The following ILRUN variants were observed in gnomAD, a reference collection of about 807,000 sequenced individuals.
ILRUN encodes the protein inflammation and lipid regulator with UBA-like and NBR1-like domains, also known as protein ILRUN.
A neutral mutation model predicts 33.8 loss-of-function variants in ILRUN; 3 were observed. That is an observed-to-expected ratio of 0.09 (90% CI 0.04 to 0.23). The LOEUF is 0.23. ILRUN is among the 10% of genes least tolerant of loss of function. ILRUN has a pLI of 1.00. For synonymous variants in ILRUN, 124 were observed against 138.9 expected (o/e 0.89, Z 0.75); for missense variants, 210 against 375.1 (o/e 0.56, Z 3.64).
At chr6:34,693,424 G>C (rs1211737552) in intron 1 of ILRUN, among the ~76,000 whole-genome samples, 1 of 151,702 alleles carries the variant, frequency 6.6e-6, no homozygotes, top group South Asian at 2.1e-4. Flanking sequence ...GCATGATCAC[G>C]GCTCACTGCA....
intron 1 of ILRUN, among the ~76,000 whole-genome samples, chr6:34,660,227 C>T (rs1463104130): frequency 6.6e-6 from 1 of 151,768 alleles, no homozygotes; most frequent in African/African-American, 2.4e-5. Flanking sequence ...CACTTGATCC[C>T]AGGAGGGTGA....
chr6:34,653,183 G>A (rs1762705063), intron 2 of ILRUN, among the ~76,000 whole-genome samples: 1 of 145,042 alleles, frequency 6.9e-6, no homozygotes, highest in Admixed American at 6.8e-5. Flanking sequence ...AAAAAATTTA[G>A]ACACATAGAC....
intron 1 of ILRUN, among the ~76,000 whole-genome samples, chr6:34,665,290 T>C (rs1467621100): frequency 1.3e-4 from 6 of 47,646 alleles, no homozygotes; most frequent in African/African-American, 6.4e-4. Context: ...ACCCCTTTTC[T>C]ACAAAAAAAA....
At chr6:34,651,181 C>G (rs2744955) in intron 2 of ILRUN, among the ~76,000 whole-genome samples, 25,146 of 152,108 alleles carry the variant, frequency 0.17, 2,275 homozygotes, top group African/African-American at 0.22. Context: ...TACTCTACAG[C>G]TGGGGGGACA....
chr6:34,665,073 C>T (rs1762964508), intron 1 of ILRUN, among the ~76,000 whole-genome samples: 1 of 151,846 alleles, frequency 6.6e-6, no homozygotes, highest in Non-Finnish European at 1.5e-5. Context: ...TGGACTCAGG[C>T]AATCGTCCTG....
chr6:34,637,506 A>C (rs767587766), intron 3 of ILRUN, among the ~76,000 whole-genome samples: 1 of 152,208 alleles, frequency 6.6e-6, no homozygotes, highest in Non-Finnish European at 1.5e-5. Context: ...TGAGTAAAAA[A>C]AGGTGCAGCT....
At chr6:34,656,390 G>A (rs1271663682) in intron 1 of ILRUN, among the ~76,000 whole-genome samples, 3 of 152,136 alleles carry the variant, frequency 2.0e-5, no homozygotes, top group East Asian at 1.9e-4. Flanking sequence ...GCAGAAGCGC[G>A]TGATTGTCAG....
At chr6:34,614,468 ATATATTTTT>A (rs1184826345) in intron 3 of ILRUN, among the ~76,000 whole-genome samples, 174 of 139,896 alleles carry the variant, frequency 1.2e-3, no homozygotes, top group African/African-American at 4.5e-3. Flanking sequence ...AATGTATATT[ATATATTTTT>A]TATATATTAT....
intron 1 of ILRUN, among the ~76,000 whole-genome samples, chr6:34,671,061 T>C (rs750274680): frequency 2.0e-5 from 3 of 152,152 alleles, no homozygotes; most frequent in African/African-American, 7.2e-5. Context: ...ACTCAAATAG[T>C]ATTTTTCCGA....
chr6:34,688,552 C>A (rs1197908334), intron 1 of ILRUN, among the ~76,000 whole-genome samples: 1 of 152,138 alleles, frequency 6.6e-6, no homozygotes, highest in Non-Finnish European at 1.5e-5. Context: ...GTGGCTCATG[C>A]CTGTAATCCC....
intron 2 of ILRUN, among the ~76,000 whole-genome samples, chr6:34,654,156 T>G: frequency 6.8e-6 from 1 of 146,568 alleles, no homozygotes. Context: ...ACAATCATCC[T>G]TGTGGTTGCA....
At chr6:34,620,083 C>T (rs1042579296) in intron 3 of ILRUN, among the ~76,000 whole-genome samples, 1 of 150,594 alleles carries the variant, frequency 6.6e-6, no homozygotes, top group Middle Eastern at 3.2e-3. Flanking sequence ...CTAGTGTTTG[C>T]TAAAAGAAAA....
chr6:34,649,471 T>C (rs1463371756), intron 2 of ILRUN, among the ~76,000 whole-genome samples: 1 of 152,122 alleles, frequency 6.6e-6, no homozygotes, highest in South Asian at 2.1e-4. Context: ...TAGTTAAGTA[T>C]CACAATCAAG....
At chr6:34,591,307 A>G (rs943001877) in intron 4 of ILRUN, among the ~76,000 whole-genome samples, 2 of 152,118 alleles carry the variant, frequency 1.3e-5, no homozygotes, top group African/African-American at 2.4e-5. Flanking sequence ...CCTGGACAAC[A>G]TAGTCAGAAC....
rs1289507613 is a variant in ILRUN, at chr6:34,614,435, A to ATATATAT, written c.512-7532_512-7531insATATATA. On this transcript the variant is annotated intron_variant, in intron 3 of 4. Coordinates refer to ENST00000374023, the MANE Select transcript of ILRUN (RefSeq NM_024294.4). ...AGACTCCATCTCAAAAAATAATAAAAAAAAAAAAATATATATATATAAAAT... is the reference window on the plus strand; with the variant it reads ...AGACTCCATCTCAAAAAATAATAAAATATATATAAAAAAAAATATATATATATAAAAT... 2.9e-3 allele frequency among the ~76,000 whole-genome samples: 358 copies of ATATATAT among 123,374 alleles called. 4 individuals are homozygous for ATATATAT. The highest frequency in any genetic ancestry group is 0.013 in the African/African-American group (343 of 26,094). The allele number at this position is 123,374 out of a possible 152,430, so 80.9% of individuals were successfully genotyped here.
intron 1 of ILRUN, among the ~76,000 whole-genome samples, chr6:34,693,641 A>G (rs1425223971): frequency 2.0e-5 from 3 of 150,116 alleles, no homozygotes; most frequent in Non-Finnish European, 1.5e-5. Flanking sequence ...TTTTTTATAT[A>G]AAAACTCAAA....
At chr6:34,600,666 G>C (rs1458045878) in intron 4 of ILRUN, among the ~76,000 whole-genome samples, 1 of 152,210 alleles carries the variant, frequency 6.6e-6, no homozygotes, top group Non-Finnish European at 1.5e-5. Context: ...AAGTGACTAT[G>C]AAGGTTTCTA....
At chr6:34,670,037 G>A (rs989203193) in intron 1 of ILRUN, among the ~76,000 whole-genome samples, 2 of 151,772 alleles carry the variant, frequency 1.3e-5, no homozygotes, top group African/African-American at 2.4e-5. Flanking sequence ...TCAGCCTCCC[G>A]AGTAGCTGGG....
rs79038661 is a variant in ILRUN, at chr6:34,629,481, T to G, written c.511+17120A>C. On this transcript the variant is annotated intron_variant, in intron 3 of 4. Coordinates refer to ENST00000374023, the MANE Select transcript of ILRUN (RefSeq NM_024294.4). ...CTGTGCCTAGCCTCAATATTTAAAA[T>G]ATTTAATTCCACTCTCTTCTTGATT... Among the ~76,000 whole-genome samples, 649 of 152,316 alleles carry G rather than the reference T, an allele frequency of 4.3e-3. 5 individuals are homozygous for G. Among genetic ancestry groups the G allele is most frequent in the African/African-American group, 0.015 (604 of 41,566 alleles).
Sources: allele counts gnomAD v4.1 joint callset (sites outside exome capture counted in the v4.1 genomes callset), GRCh38; gene constraint gnomAD v4.1.1; transcripts MANE v1.5; gene names NCBI Gene and HGNC (gene_info 2026-07-23, HGNC 2026-07-21).